Variants in LDB2 observed in about 807,000 individuals in gnomAD.
LDB2 encodes LIM domain-binding protein 2.
In LDB2, 12 loss-of-function variants were observed where a neutral mutation model predicts 44.3. The ratio of observed to expected loss-of-function variants is 0.27; its 90% CI spans 0.17 to 0.44. LDB2 has a LOEUF of 0.44. Among genes scored for constraint, LDB2 ranks in the 20% least tolerant of loss-of-function variants. The pLI, the probability that LDB2 is intolerant of heterozygous loss-of-function variation, is 1.00. For synonymous variants in LDB2, 164 were observed against 174.8 expected (o/e 0.94, Z 0.49); for missense variants, 344 against 473.5 (o/e 0.73, Z 2.54).
At chr4:16,589,131 T>C (rs1337122445) in intron 3 of LDB2, among the ~76,000 whole-genome samples, 1 of 152,188 alleles carries the variant, frequency 6.6e-6, no homozygotes, top group Non-Finnish European at 1.5e-5. Context: ...ATAAAACCCA[T>C]CTTATAGTGA....
At chr4:16,537,838 C>T (rs966888788) in intron 5 of LDB2, among the ~76,000 whole-genome samples, 7 of 152,166 alleles carry the variant, frequency 4.6e-5, no homozygotes, top group African/African-American at 7.2e-5. Context: ...TCTCAAGCTC[C>T]GGTTCCGCTT....
rs532683303 is a variant in LDB2 at position 16,581,891 on chromosome 4, T to C, written c.615+4031A>G. ...ACCCCATATGGATGCTGTGAGTATT[T>C]AAAGAAAAAAAAAAGAAAGACGAAG... On this transcript the variant is annotated intron_variant, in intron 5 of 7. Transcript: ENST00000304523. 1.3e-3 allele frequency among the ~76,000 whole-genome samples: 190 copies of C among 144,008 alleles called. 1 individual carries two copies. Among genetic ancestry groups the C allele is most frequent in the African/African-American group, 4.7e-3 (179 of 38,440 alleles). The allele number at this position is 144,008 out of a possible 152,430, so 94.5% of individuals were successfully genotyped here.
chr4:16,851,667 G>C (rs915196892), intron 1 of LDB2, among the ~76,000 whole-genome samples: 1 of 152,110 alleles, frequency 6.6e-6, no homozygotes, highest in Non-Finnish European at 1.5e-5. Context: ...GATGTCATTA[G>C]GATTTGCCAA....
intron 2 of LDB2, among the ~76,000 whole-genome samples, chr4:16,628,385 CTCACCATCTATTCAGCT>C (rs989397376): frequency 4.7e-4 from 71 of 152,252 alleles, no homozygotes; most frequent in African/African-American, 1.7e-3. Flanking sequence ...CCAGGAGAAG[CTCACCATCTATTCAGCT>C]CCTACAGAGG....
At chr4:16,649,772 T>C (rs1737764424) in intron 2 of LDB2, among the ~76,000 whole-genome samples, 1 of 152,224 alleles carries the variant, frequency 6.6e-6, no homozygotes, top group Non-Finnish European at 1.5e-5. Flanking sequence ...TGATCCTTAT[T>C]GACAGAACTT....
chr4:16,832,499 A>G (rs1418480957), intron 1 of LDB2, among the ~76,000 whole-genome samples: 1 of 152,168 alleles, frequency 6.6e-6, no homozygotes, highest in Non-Finnish European at 1.5e-5. Flanking sequence ...TATTCCTTAA[A>G]CTGAATTAAC....
At chr4:16,791,794 G>A (rs575872852) in intron 1 of LDB2, among the ~76,000 whole-genome samples, 97 of 152,222 alleles carry the variant, frequency 6.4e-4, no homozygotes, top group African/African-American at 2.3e-3. Flanking sequence ...TGAAGATTAC[G>A]AATTGACCCT....
At chr4:16,656,650 G>T (rs183226903) in intron 2 of LDB2, among the ~76,000 whole-genome samples, 6 of 152,256 alleles carry the variant, frequency 3.9e-5, no homozygotes, top group African/African-American at 1.4e-4. Flanking sequence ...AGATGTTATT[G>T]TCATTTGCAG....
intron 5 of LDB2, among the ~76,000 whole-genome samples, chr4:16,515,584 G>A (rs1037740803): frequency 2.0e-5 from 3 of 152,180 alleles, no homozygotes; most frequent in Non-Finnish European, 4.4e-5. Flanking sequence ...ATCCCTCAAA[G>A]AAGTACCACT....
intron 5 of LDB2, among the ~76,000 whole-genome samples, chr4:16,558,675 G>C (rs1015309837): frequency 2.6e-5 from 4 of 152,096 alleles, no homozygotes; most frequent in African/African-American, 9.7e-5. Context: ...ATCTAGCAAG[G>C]CAGGCCAACA....
At chr4:16,860,863 C>A (rs1418970528) in intron 1 of LDB2, among the ~76,000 whole-genome samples, 3 of 152,096 alleles carry the variant, frequency 2.0e-5, no homozygotes, top group Non-Finnish European at 2.9e-5. Context: ...CCACATGGGT[C>A]CAAATCTGCT....
At chr4:16,731,668 G>A (rs918782758) in intron 2 of LDB2, among the ~76,000 whole-genome samples, 1 of 152,156 alleles carries the variant, frequency 6.6e-6, no homozygotes, top group Admixed American at 6.5e-5. Flanking sequence ...AATGTCTATT[G>A]TTTAAGCCAC....
At chr4:16,799,159 T>C (rs1379850416) in intron 1 of LDB2, among the ~76,000 whole-genome samples, 1 of 152,172 alleles carries the variant, frequency 6.6e-6, no homozygotes, top group Non-Finnish European at 1.5e-5. Context: ...GGCTCGTGAC[T>C]GGGGTTTTCA....
chr4:16,541,949 CA>C (rs1733924954), intron 5 of LDB2, among the ~76,000 whole-genome samples: 1 of 151,964 alleles, frequency 6.6e-6, no homozygotes, highest in Non-Finnish European at 1.5e-5. Context: ...GGTTTTTTCC[CA>C]ACTATTTTAT....
chr4:16,728,299 C>T (rs1377219743), intron 2 of LDB2, among the ~76,000 whole-genome samples: 2 of 152,100 alleles, frequency 1.3e-5, no homozygotes, highest in East Asian at 3.9e-4. Context: ...GAGGAGCTGT[C>T]CCTCAAGAGG....
intron 1 of LDB2, among the ~76,000 whole-genome samples, chr4:16,894,339 T>G (rs1724297194): frequency 6.6e-6 from 1 of 152,174 alleles, no homozygotes; most frequent in Admixed American, 6.5e-5. Context: ...ACAACAGTGA[T>G]GCTAACCTCA....
chr4:16,573,118 G>C (rs775191150), intron 5 of LDB2, among the ~76,000 whole-genome samples: 6 of 152,198 alleles, frequency 3.9e-5, no homozygotes, highest in Non-Finnish European at 8.8e-5. Flanking sequence ...CTGCGGGATC[G>C]GCTTTGTGGC....
chr4:16,726,919 C>CA (rs1759605306), intron 2 of LDB2, among the ~76,000 whole-genome samples: 1 of 152,050 alleles, frequency 6.6e-6, no homozygotes, highest in Non-Finnish European at 1.5e-5. Flanking sequence ...ATCTGAAACG[C>CA]AAAAAATTAC....
intron 2 of LDB2, among the ~76,000 whole-genome samples, chr4:16,598,254 T>G (rs1016833305): frequency 2.6e-5 from 4 of 152,208 alleles, no homozygotes; most frequent in African/African-American, 9.7e-5. Flanking sequence ...ACTCGAAGCT[T>G]TCACTTTGTT....
Sources: gnomAD v4.1 joint callset for allele counts (sites outside exome capture counted in the v4.1 genomes callset) on GRCh38, gnomAD v4.1.1 for gene constraint, MANE v1.5 for transcripts, NCBI Gene and HGNC (gene_info 2026-07-23, HGNC 2026-07-21) for gene names.